RANBP2: variants seen among roughly 807,000 people sequenced by gnomAD.
RANBP2 encodes the protein E3 SUMO-protein ligase RanBP2.
In RANBP2, 57 loss-of-function variants were observed where a neutral mutation model predicts 303.6. That is an observed-to-expected ratio of 0.19 (90% CI 0.15 to 0.23). The LOEUF (loss-of-function observed/expected upper bound fraction) is 0.23, where lower values mean the gene tolerates loss of function less well. Among genes scored for constraint, RANBP2 ranks in the 10% least tolerant of loss-of-function variants. The probability of loss-of-function intolerance (pLI) is 1.00; values close to 1 mark genes in which losing one functional copy is unlikely to be tolerated. For synonymous variants in RANBP2, 1,167 were observed against 1,301.5 expected (o/e 0.90, Z 2.23); for missense variants, 3,138 against 3,780.8 (o/e 0.83, Z 4.46).
chr2:108,969,118 G>A, the RANBP2 span, among the ~76,000 whole-genome samples: 3 of 152,278 alleles, frequency 2.0e-5, no homozygotes, highest in East Asian at 5.8e-4. Context: ...AGCTCCTTGA[G>A]AATTGGATTC....
the RANBP2 span, among the ~76,000 whole-genome samples, chr2:109,189,202 C>G: frequency 6.6e-6 from 1 of 151,860 alleles, no homozygotes; most frequent in African/African-American, 2.4e-5. Context: ...CTGATACCCC[C>G]GAGATAGAGG....
At chr2:109,378,322 A>G in the RANBP2 span, among the ~76,000 whole-genome samples, 4 of 152,210 alleles carry the variant, frequency 2.6e-5, no homozygotes, top group African/African-American at 9.6e-5. Flanking sequence ...GAAACCCAGC[A>G]TGCCAAGAAC....
chr2:109,391,874 C>G, the RANBP2 span, among the ~76,000 whole-genome samples: 1 of 152,070 alleles, frequency 6.6e-6, no homozygotes, highest in South Asian at 2.1e-4. Flanking sequence ...GGGTCTTACT[C>G]TGTCACCCAG....
chr2:108,777,887 G>A (rs1677996682), intron 25 of RANBP2, among the ~76,000 whole-genome samples: 1 of 151,986 alleles, frequency 6.6e-6, no homozygotes. Flanking sequence ...ATTTTATTGA[G>A]GATATGTGCT....
the RANBP2 span, among the ~76,000 whole-genome samples, chr2:109,016,367 G>A: frequency 0.013 from 2,028 of 152,196 alleles, 47 homozygotes; most frequent in African/African-American, 0.047. Flanking sequence ...GATTACAGGC[G>A]TGAGCCACCG....
chr2:109,131,515 C>A, the RANBP2 span, among the ~76,000 whole-genome samples: 1 of 152,092 alleles, frequency 6.6e-6, no homozygotes, highest in Admixed American at 6.5e-5. Context: ...TTCGGAGCCC[C>A]GCTTCTAGTA....
At chr2:109,693,888 G>A in the RANBP2 span, among the ~76,000 whole-genome samples, 48 of 152,242 alleles carry the variant, frequency 3.2e-4, no homozygotes, top group East Asian at 8.3e-3. Flanking sequence ...CTTCAACCTT[G>A]GCAAAATAAC....
the RANBP2 span, among the ~76,000 whole-genome samples, chr2:109,069,901 A>G: frequency 6.6e-6 from 1 of 152,208 alleles, no homozygotes; most frequent in African/African-American, 2.4e-5. Context: ...CATAACGCCT[A>G]TAATCTAGAG....
Position 108,771,762 on chromosome 2 carries a change from A to G in RANBP2, c.7911A>G (p.Glu2637=), listed in dbSNP as rs368160432. The G allele has an allele frequency of 6.2e-7, 1 of 1,614,024 alleles. No individual in the cohort carries two copies. The highest frequency in any genetic ancestry group is 1.1e-5 in the South Asian group (1 of 91,084). ...ATGATGATGTTCTCATTGTATATGA[A>G]CTAACTCCAACCGCTGAGCAGAAAG... ...PSDDDVLIVY[E]LTPTAEQKAL... The change falls in exon 21 of 29, where the codon GAA becomes GAG. Residue 2637 remains glutamate (E), a synonymous_variant. Coordinates refer to ENST00000283195, the MANE Select transcript of RANBP2 (RefSeq NM_006267.5).
chr2:109,011,342 A>C, the RANBP2 span, among the ~76,000 whole-genome samples: 1 of 152,226 alleles, frequency 6.6e-6, no homozygotes. Flanking sequence ...TTGGATGGGC[A>C]TAAAATTCTA....
the RANBP2 span, among the ~76,000 whole-genome samples, chr2:108,834,762 C>T: frequency 6.6e-6 from 1 of 152,160 alleles, no homozygotes; most frequent in African/African-American, 2.4e-5. Context: ...CCCATTCCTC[C>T]CTCCCCTGTA....
the RANBP2 span, among the ~76,000 whole-genome samples, chr2:109,354,980 A>G: frequency 2.0e-5 from 3 of 152,250 alleles, no homozygotes; most frequent in Non-Finnish European, 4.4e-5. Flanking sequence ...GCTCAGGCTT[A>G]CACTTAGGAA....
chr2:108,894,064 G>A, the RANBP2 span, among the ~76,000 whole-genome samples: 3 of 152,120 alleles, frequency 2.0e-5, no homozygotes, highest in Admixed American at 6.5e-5. Context: ...AGAGGCCCCA[G>A]TTGACCCACA....
chr2:108,765,814 A>T lies in RANBP2; in HGVS notation c.5275A>T (p.Ile1759Phe), dbSNP rs779533309. Residue 1759 changes from isoleucine (I) to phenylalanine (F), a missense_variant, in exon 20 of 29, where the codon ATT (isoleucine) becomes TTT (phenylalanine). This residue lies in a region of RANBP2 where 348 missense variants were observed against 360.4 expected (regional missense o/e 0.97). Transcript: ENST00000283195. ...CPSKQNQTTA[I>F]STPASSEISK... ...AAGTAAACAAAATCAAACAACTGCA[A>T]TTTCAACACCTGCCTCTTCGGAGAT... is the stretch of plus-strand genomic sequence containing the variant. 2.9e-5 allele frequency: 46 copies of T among 1,612,560 alleles called. No individual in the cohort carries two copies. Among genetic ancestry groups the T allele is most frequent in the Non-Finnish European group, 3.6e-5 (43 of 1,179,600 alleles).
the RANBP2 span, among the ~76,000 whole-genome samples, chr2:109,777,376 T>C: frequency 6.8e-6 from 1 of 146,016 alleles, no homozygotes; most frequent in African/African-American, 2.5e-5. Flanking sequence ...TTATATACTT[T>C]AATACATTGA....
chr2:109,640,230 T>A, the RANBP2 span, among the ~76,000 whole-genome samples: 1 of 151,052 alleles, frequency 6.6e-6, no homozygotes, highest in Non-Finnish European at 1.5e-5. Flanking sequence ...GGCGGGCGGA[T>A]CACCTGAGGT....
chr2:108,813,334 T>C, the RANBP2 span, among the ~76,000 whole-genome samples: 1 of 151,988 alleles, frequency 6.6e-6, no homozygotes, highest in African/African-American at 2.4e-5. Context: ...TTCTCTTTGA[T>C]TTAGCAAACA....
At chr2:109,421,546 G>C in the RANBP2 span, among the ~76,000 whole-genome samples, 1 of 152,204 alleles carries the variant, frequency 6.6e-6, no homozygotes, top group African/African-American at 2.4e-5. Flanking sequence ...GTCCTGGATG[G>C]CTTCTAAATT....
chr2:109,415,249 A>T, the RANBP2 span, among the ~76,000 whole-genome samples: 1 of 152,216 alleles, frequency 6.6e-6, no homozygotes, highest in Admixed American at 6.5e-5. Flanking sequence ...TAAGCCCCTG[A>T]GTCTGTGGCT....
Sources: allele counts gnomAD v4.1 joint callset (sites outside exome capture counted in the v4.1 genomes callset), GRCh38; gene constraint gnomAD v4.1.1; regional missense constraint gnomAD v4.1.1; transcripts MANE v1.5; gene names NCBI Gene and HGNC (gene_info 2026-07-23, HGNC 2026-07-21).